Variants in WASHC4 observed in about 807,000 individuals in gnomAD.
WASHC4 encodes the protein WASH complex subunit 4.
WASHC4 carries 86 observed loss-of-function variants against 166.6 expected under a neutral mutation model. The ratio of observed to expected loss-of-function variants is 0.52; its 90% CI spans 0.43 to 0.62. The LOEUF (loss-of-function observed/expected upper bound fraction) is 0.62. Among genes scored for constraint, WASHC4 ranks in the 20% least tolerant of loss-of-function variants. The pLI, the probability that WASHC4 is intolerant of heterozygous loss-of-function variation, is 0.00. For missense variants in WASHC4, 1,262 were observed against 1,382.4 expected, an observed-to-expected ratio of 0.91 and a Z score of 1.38; for synonymous variants, 446 against 451.6, an observed-to-expected ratio of 0.99 and a Z score of 0.16.
chr12:105,152,216 CTTAA>C (rs1311343950), intron 25 of WASHC4, 123 bp from the exon 26 acceptor site: 14 of 637,492 alleles, frequency 2.2e-5, no homozygotes, highest in African/African-American at 1.3e-4. Context: ...AATTATTAAT[CTTAA>C]TTAATTTTTA....
Position 105,139,425 on chromosome 12 carries a change from G to A in WASHC4, c.1453-869G>A, listed in dbSNP as rs866622959. ...AGACAGACTATATATATGTGTGTGT[G>A]TATATATATATATATATATATATAT... On this transcript the variant is annotated intron_variant, in intron 15 of 32. Transcript: ENST00000332180. Among the ~76,000 whole-genome samples, 11 of 103,226 alleles carry A rather than the reference G, an allele frequency of 1.1e-4. No individual in the cohort carries two copies. In the South Asian group the frequency reaches 1.1e-3, roughly 10 times the overall value. 67.7% of individuals were successfully genotyped at this position (103,226 alleles called of 152,430 possible).
intron 4 of WASHC4, 41 bp downstream of exon 4, chr12:105,114,468 A>G (rs1879984388): frequency 8.4e-7 from 1 of 1,191,712 alleles, no homozygotes. Context: ...TAAAAACATC[A>G]TTTAGAAGCA....
rs1438620488 is a variant in WASHC4 at position 105,107,791 on chromosome 12, C to T, written c.-10C>T. The T allele has an allele frequency of 2.5e-5, 39 of 1,549,182 alleles. No homozygotes were observed. The highest frequency in any genetic ancestry group is 3.3e-4 in the Middle Eastern group (2 of 5,976). On this transcript the variant is annotated 5_prime_UTR_variant, in exon 1 of 33. Transcript: ENST00000332180. ...TGGTTGGGGCTGTGTCTGTGGGAGGCGCCGGGGTGATGGCGGTGGAGACTC... is the reference window on the plus strand; with the variant it reads ...TGGTTGGGGCTGTGTCTGTGGGAGGTGCCGGGGTGATGGCGGTGGAGACTC...
chr12:105,133,977 G>T, intron 14 of WASHC4, 81 bp downstream of exon 14: 1 of 1,317,108 alleles, frequency 7.6e-7, no homozygotes. Flanking sequence ...CTGAACAAAG[G>T]GTAGAGTATG....
chr12:105,158,103 A>T (rs1884288176), intron 28 of WASHC4, among the ~76,000 whole-genome samples: 1 of 152,224 alleles, frequency 6.6e-6, no homozygotes, highest in African/African-American at 2.4e-5. Flanking sequence ...AAGAAGGGTT[A>T]TCATAAGAAG....
chr12:105,144,639 AGTT>A (rs148267591), intron 21 of WASHC4, 76 bp from the exon 22 acceptor site: 547,788 of 1,302,712 alleles, frequency 0.42, 119,587 homozygotes, highest in Middle Eastern at 0.53. Context: ...TTCAAGGACA[AGTT>A]GTTGTTTTTT....
At chr12:105,120,985 T>C (rs1224284993) in intron 8 of WASHC4, 116 bp from the exon 9 acceptor site, 3 of 723,378 alleles carry the variant, frequency 4.1e-6, no homozygotes, top group African/African-American at 1.7e-5. Context: ...TAAATTGATT[T>C]ACCCACTACT....
Position 105,160,148 on chromosome 12 carries a change from GGTGA to G in WASHC4, c.3060+3_3060+6del. 2 of 1,612,924 alleles carry G rather than the reference GGTGA, an allele frequency of 1.2e-6. No homozygotes were observed. The highest frequency in any genetic ancestry group is 1.7e-6 in the Non-Finnish European group (2 of 1,179,196). ...ATTTCTATATAATTGTTCCCCCTCT[GGTGA>G]GTATTTCCAGAACCTAAAATGAATT... On this transcript the variant is annotated splice_donor_variant and splice_donor_region_variant and intron_variant, in intron 29 of 32. Coordinates refer to ENST00000332180, the MANE Select transcript of WASHC4 (RefSeq NM_015275.3). LOFTEE classifies it high-confidence loss of function.
At position 105,143,243 on chromosome 12, in the gene WASHC4, G is replaced by A. The variant is rs776798896; in HGVS notation, c.2010G>A (p.Glu670=). Residue 670 remains glutamate (E), a splice_region_variant and synonymous_variant, in exon 20 of 33, where the codon GAG becomes GAA. Coordinates refer to ENST00000332180, the MANE Select transcript of WASHC4 (RefSeq NM_015275.3). ...YDKEIMEILN[E]HLLDKLCKEI... is the part of the protein sequence containing the mutation. ...AGGAAATTATGGAAATTTTAAATGA[G>A]GTAACATCATATTTGAGATTGAAAA... 2.1e-6 allele frequency: 3 copies of A among 1,447,618 alleles called. No individual in the cohort carries two copies. The highest frequency in any genetic ancestry group is 1.1e-5 in the South Asian group (1 of 87,544). 89.7% of individuals were successfully genotyped at this position (1,447,618 alleles called of 1,614,324 possible). A position where few individuals can be genotyped will look rare whatever the true frequency, so the allele number is the denominator to read the frequency against.
chr12:105,109,815 A>C (rs1049202804), intron 1 of WASHC4, among the ~76,000 whole-genome samples: 12 of 152,032 alleles, frequency 7.9e-5, no homozygotes, highest in African/African-American at 2.9e-4. Flanking sequence ...GATAGAGACA[A>C]GGTTTTGCCA....
intron 13 of WASHC4, among the ~76,000 whole-genome samples, chr12:105,131,120 C>T (rs1881774432): frequency 6.7e-6 from 1 of 149,506 alleles, no homozygotes; most frequent in Non-Finnish European, 1.5e-5. Flanking sequence ...CGCTCTGTCT[C>T]CCAGGTTGGA....
intron 8 of WASHC4, among the ~76,000 whole-genome samples, chr12:105,120,867 G>A (rs1221256498): frequency 6.6e-6 from 1 of 152,190 alleles, no homozygotes; most frequent in Non-Finnish European, 1.5e-5. Flanking sequence ...TAAATCTGCA[G>A]TATTGCAACT....
At chr12:105,142,800 G>A (rs1407263354) in intron 19 of WASHC4, among the ~76,000 whole-genome samples, 2 of 151,680 alleles carry the variant, frequency 1.3e-5, no homozygotes, top group Admixed American at 6.6e-5. Flanking sequence ...TTTAGTTTAT[G>A]TCATAGTAAT....
intron 30 of WASHC4, among the ~76,000 whole-genome samples, chr12:105,163,274 A>T (rs1046641553): frequency 2.6e-5 from 4 of 152,134 alleles, no homozygotes; most frequent in African/African-American, 9.6e-5. Context: ...TTTGTTTTTC[A>T]TGAGTGTTGT....
At chr12:105,118,227 A>G (rs1247424216) in intron 6 of WASHC4, among the ~76,000 whole-genome samples, 6 of 152,190 alleles carry the variant, frequency 3.9e-5, no homozygotes, top group Non-Finnish European at 1.5e-5. Flanking sequence ...TATGAATGAA[A>G]TGCAGTGGGA....
At chr12:105,135,573 T>G (rs1258533223) in intron 14 of WASHC4, among the ~76,000 whole-genome samples, 1 of 152,056 alleles carries the variant, frequency 6.6e-6, no homozygotes, top group Non-Finnish European at 1.5e-5. Flanking sequence ...CTTTGTGTGT[T>G]TGTGCTACTT....
At chr12:105,107,980 C>G in intron 1 of WASHC4, 119 bp downstream of exon 1, 1 of 785,278 alleles carries the variant, frequency 1.3e-6, no homozygotes, top group South Asian at 1.5e-5. Flanking sequence ...CGGGACACTT[C>G]AGAGCCCTTG....
intron 32 of WASHC4, among the ~76,000 whole-genome samples, chr12:105,165,198 A>G (rs1884733508): frequency 6.6e-6 from 1 of 152,228 alleles, no homozygotes; most frequent in Admixed American, 6.5e-5. Context: ...GCCTTCTTTC[A>G]TAGTCAGGCC....
Position 105,139,621 on chromosome 12 carries a change from CT to C in WASHC4, c.1453-670del, listed in dbSNP as rs151047373. On this transcript the variant is annotated intron_variant, in intron 15 of 32. Transcript: ENST00000332180. ...CTGATTGTTAGTGATGGTAAATATCCTTTCAATTATTTATTAACTATGTTTC... is the reference window on the plus strand; with the variant it reads ...CTGATTGTTAGTGATGGTAAATATCCTTCAATTATTTATTAACTATGTTTC... 3.9e-3 allele frequency among the ~76,000 whole-genome samples: 588 copies of C among 151,166 alleles called. 4 individuals carry two copies. Among genetic ancestry groups the C allele is most frequent in the African/African-American group, 0.014 (561 of 41,264 alleles).
Sources: allele counts gnomAD v4.1 joint callset (sites outside exome capture counted in the v4.1 genomes callset), GRCh38; gene constraint gnomAD v4.1.1; transcripts MANE v1.5; gene names NCBI Gene and HGNC (gene_info 2026-07-23, HGNC 2026-07-21).